NUMB: variants seen among roughly 807,000 people sequenced by gnomAD.
The protein encoded by NUMB is NUMB endocytic adaptor protein, also known as protein numb homolog.
A neutral mutation model predicts 59.7 loss-of-function variants in NUMB; 29 were observed. The ratio of observed to expected loss-of-function variants is 0.49; its 90% CI spans 0.36 to 0.66. NUMB has a LOEUF of 0.66. Among genes scored for constraint, NUMB ranks in the 30% least tolerant of loss-of-function variants. NUMB has a pLI of 0.00. For synonymous variants in NUMB, 288 were observed against 288.2 expected (o/e 1.00, Z 0.01); for missense variants, 723 against 822.0 (o/e 0.88, Z 1.47).
At position 73,352,530 on chromosome 14, in the gene NUMB, GTTTTTTTTT is replaced by G. The variant is rs71112735; in HGVS notation, c.126+3087_126+3095del. ...TATATATATATATATATATATATAT[GTTTTTTTTT>G]TTTTTTTTTTTTTGAGACAGAGTCT... is the stretch of plus-strand genomic sequence containing the variant. On this transcript the variant is annotated intron_variant, in intron 4 of 12. Coordinates refer to ENST00000555238, the MANE Select transcript of NUMB (RefSeq NM_001005743.2). 3.5e-4 allele frequency among the ~76,000 whole-genome samples: 7 copies of G among 20,274 alleles called. 2 individuals are homozygous for G. The highest frequency in any genetic ancestry group is 3.0e-3 in the Admixed American group (3 of 1,014). The allele number at this position is 20,274 out of a possible 152,430, so 13.3% of individuals were successfully genotyped here.
chr14:73,456,640 C>T (rs1884394264), intron 1 of NUMB, among the ~76,000 whole-genome samples: 4 of 151,844 alleles, frequency 2.6e-5, no homozygotes, highest in Admixed American at 2.6e-4. Context: ...TCACAATCCA[C>T]AGTTTGAAAA....
At chr14:73,403,215 G>A (rs1302576625) in intron 2 of NUMB, among the ~76,000 whole-genome samples, 1 of 152,196 alleles carries the variant, frequency 6.6e-6, no homozygotes, top group Admixed American at 6.5e-5. Flanking sequence ...TTAAGACCAT[G>A]AAAGGCCAAG....
intron 1 of NUMB, among the ~76,000 whole-genome samples, chr14:73,423,382 T>C (rs1018500327): frequency 4.6e-5 from 7 of 150,782 alleles, no homozygotes; most frequent in African/African-American, 1.7e-4. Context: ...CTCACGCCTG[T>C]AATTCCAGCA....
chr14:73,325,195 T>C (rs1891598117), intron 4 of NUMB, among the ~76,000 whole-genome samples: 1 of 150,454 alleles, frequency 6.6e-6, no homozygotes, highest in Non-Finnish European at 1.5e-5. Context: ...TTGCTGGGTA[T>C]GGTGGCTCAA....
chr14:73,440,108 T>C (rs902519951), intron 1 of NUMB, among the ~76,000 whole-genome samples: 2 of 151,860 alleles, frequency 1.3e-5, no homozygotes, highest in African/African-American at 2.4e-5. Context: ...AAATTAGTGA[T>C]AAAGCAGAAA....
intron 1 of NUMB, among the ~76,000 whole-genome samples, chr14:73,440,212 T>TATCCATATATATATAC (rs1252352074): frequency 2.3e-5 from 3 of 130,290 alleles, no homozygotes; most frequent in African/African-American, 3.7e-5. Context: ...TATATATGGA[T>TATCCATATATATATAC]ATCCATATAT....
intron 9 of NUMB, 25 bp from the exon 10 acceptor site, chr14:73,284,399 A>G (rs770172707): frequency 6.3e-7 from 1 of 1,582,116 alleles, no homozygotes; most frequent in Non-Finnish European, 8.6e-7. Context: ...GAGAATGAAG[A>G]CCTTAGCAAT....
At chr14:73,389,836 T>C (rs1434719614) in intron 2 of NUMB, among the ~76,000 whole-genome samples, 1 of 152,216 alleles carries the variant, frequency 6.6e-6, no homozygotes, top group Non-Finnish European at 1.5e-5. Flanking sequence ...TTCAATGTAC[T>C]ACCTTAAATG....
At position 73,389,286 on chromosome 14, in the gene NUMB, A is replaced by C. The variant is rs866698777; in HGVS notation, c.-101+20651T>G. 1.1e-3 allele frequency among the ~76,000 whole-genome samples: 112 copies of C among 97,912 alleles called. No homozygotes were observed. In the East Asian group the frequency reaches 0.037, roughly 32 times the overall value. The allele number at this position is 97,912 out of a possible 152,430, so 64.2% of individuals were successfully genotyped here. ...ACTCCATCTCTCAAAAAAAAAAAAA[A>C]AAAAAAACAAAAACAAAAACACTGG... On this transcript the variant is annotated intron_variant, in intron 2 of 12. Coordinates refer to ENST00000555238, the MANE Select transcript of NUMB (RefSeq NM_001005743.2).
At chr14:73,362,974 C>A (rs528172713) in intron 3 of NUMB, among the ~76,000 whole-genome samples, 5 of 150,976 alleles carry the variant, frequency 3.3e-5, no homozygotes, top group Non-Finnish European at 7.4e-5. Context: ...CATAGTGAGA[C>A]CCTGTCTCTA....
Position 73,425,565 on chromosome 14 carries a change from A to G in NUMB, c.-232-15497T>C, listed in dbSNP as rs1331259779. 3.9e-5 allele frequency among the ~76,000 whole-genome samples: 6 copies of G among 152,138 alleles called. No homozygotes were observed. The South Asian group carries it at 1.0e-3, about 26-fold the overall frequency. The stretch of plus-strand genomic sequence containing the variant: ...TCAAAACGTGCCGTAATTCCCAAAC[A>G]GATTTACAGATATTCTGAATATTGA... On this transcript the variant is annotated intron_variant, in intron 1 of 12. Coordinates refer to ENST00000555238, the MANE Select transcript of NUMB (RefSeq NM_001005743.2).
At chr14:73,437,696 C>T (rs551875690) in intron 1 of NUMB, among the ~76,000 whole-genome samples, 24 of 152,130 alleles carry the variant, frequency 1.6e-4, no homozygotes, top group Non-Finnish European at 2.9e-4. Flanking sequence ...GGAATGATTC[C>T]ATTTACATGA....
chr14:73,292,943 G>A (rs1314111857), intron 7 of NUMB, 69 bp from the exon 8 acceptor site: 2 of 1,483,888 alleles, frequency 1.3e-6, no homozygotes, highest in East Asian at 2.3e-5. Flanking sequence ...AACACAGGAT[G>A]TTCATTTCAT....
In NUMB at chr14:73,412,587, A is replaced by T. The variant is rs1225173734; in HGVS notation, c.-232-2519T>A. On this transcript the variant is annotated intron_variant, in intron 1 of 12. Coordinates refer to ENST00000555238, the MANE Select transcript of NUMB (RefSeq NM_001005743.2). ...GGTTGCAGTAAGCCGAGATTGCACC[A>T]TTGCACTCCAGCCTGGGCAACAAGA... 2.0e-5 allele frequency among the ~76,000 whole-genome samples: 3 copies of T among 148,650 alleles called. No individual in the cohort carries two copies. The East Asian group carries it at 6.0e-4, about 30-fold the overall frequency.
chr14:73,392,893 G>T (rs1354191492), intron 2 of NUMB, among the ~76,000 whole-genome samples: 1 of 151,846 alleles, frequency 6.6e-6, no homozygotes, highest in Non-Finnish European at 1.5e-5. Flanking sequence ...GAGATTGGGG[G>T]ATTTTTTTCT....
intron 8 of NUMB, among the ~76,000 whole-genome samples, chr14:73,289,738 T>C (rs1390481401): frequency 2.6e-5 from 4 of 152,316 alleles, no homozygotes; most frequent in South Asian, 4.1e-4. Context: ...TCCACATGAG[T>C]TTCCATCTAA....
At chr14:73,451,498 C>G (rs1883971867) in intron 1 of NUMB, among the ~76,000 whole-genome samples, 1 of 151,474 alleles carries the variant, frequency 6.6e-6, no homozygotes, top group Non-Finnish European at 1.5e-5. Context: ...CCCTGTAGTC[C>G]CAGCTACTCG....
At chr14:73,315,060 T>A (rs897985913) in intron 6 of NUMB, among the ~76,000 whole-genome samples, 5 of 152,152 alleles carry the variant, frequency 3.3e-5, no homozygotes, top group African/African-American at 1.2e-4. Context: ...GTAAATTATT[T>A]GACTTTTTAT....
chr14:73,405,131 G>A (rs1331154112), intron 2 of NUMB, among the ~76,000 whole-genome samples: 1 of 152,194 alleles, frequency 6.6e-6, no homozygotes, highest in Non-Finnish European at 1.5e-5. Flanking sequence ...TTATCTTCCA[G>A]TTAACTATAA....
Sources: allele counts gnomAD v4.1 joint callset (sites outside exome capture counted in the v4.1 genomes callset), GRCh38; gene constraint gnomAD v4.1.1; transcripts MANE v1.5; gene names NCBI Gene and HGNC (gene_info 2026-07-23, HGNC 2026-07-21).